Variants in TLN2 observed in about 807,000 individuals in gnomAD.
The protein encoded by TLN2 is talin 2.
Under a neutral mutation model 294.7 loss-of-function variants are expected in TLN2, and 118 were observed. The observed-to-expected ratio is 0.40, with a 90% CI of 0.34 to 0.47. The LOEUF (loss-of-function observed/expected upper bound fraction) is 0.47. Among genes scored for constraint, TLN2 ranks in the 20% least tolerant of loss-of-function variants. The probability of loss-of-function intolerance (pLI) is 0.84; values close to 1 mark genes in which losing one functional copy is unlikely to be tolerated. For synonymous variants in TLN2, 1,431 were observed against 1,304.5 expected, an observed-to-expected ratio of 1.10 and a Z score of -2.09; for missense variants, 3,083 against 3,282.2, an observed-to-expected ratio of 0.94 and a Z score of 1.48.
chr15:62,837,804 C>A (rs2069931052), intron 57 of TLN2, among the ~76,000 whole-genome samples: 1 of 152,200 alleles, frequency 6.6e-6, no homozygotes, highest in African/African-American at 2.4e-5. Context: ...TCGCGTCCCA[C>A]CCTGTGCAAG....
rs1440675397 is a variant in TLN2 at position 62,647,256 on chromosome 15, G to A, written c.-36-19G>A. On this transcript the variant is annotated intron_variant, in intron 3 of 58. Coordinates refer to ENST00000636159, the MANE Select transcript of TLN2 (RefSeq NM_015059.3). ...ATTATTATCGTGAACATCAGGGTTT[G>A]TCTCTTTGTGTTTTCCAGACATTCT... 1.3e-6 allele frequency: 2 copies of A among 1,573,644 alleles called. No individual in the cohort carries two copies. The highest frequency in any genetic ancestry group is 1.7e-6 in the Non-Finnish European group (2 of 1,155,842).
chr15:62,752,177 A>G lies in TLN2; in HGVS notation c.4210-128A>G. ...TTTCTTCCATCTCTTTTTAATCCAA[A>G]TAAAGGAGAAAATGTCAAATGTTCC... is the stretch of plus-strand genomic sequence containing the variant. On this transcript the variant is annotated intron_variant, in intron 34 of 58. Transcript: ENST00000636159. 2.4e-6 allele frequency: 3 copies of G among 1,260,758 alleles called. No individual in the cohort carries two copies. The Admixed American group carries it at 6.6e-5, about 28-fold the overall frequency. 78.1% of individuals were successfully genotyped at this position (1,260,758 alleles called of 1,614,324 possible).
At chr15:62,436,333 A>T (rs16945025) in intron 1 of TLN2, among the ~76,000 whole-genome samples, 1,610 of 152,304 alleles carry the variant, frequency 0.011, 34 homozygotes, top group African/African-American at 0.035. Flanking sequence ...ATTCAAACTA[A>T]CAGTCCTTGG....
At position 62,673,870 on chromosome 15, in the gene TLN2, G is replaced by T; in HGVS notation, c.832G>T (p.Ala278Ser). The change falls in exon 10 of 59, where the codon GCT (alanine) becomes TCT (serine). Residue 278 changes from alanine (A) to serine (S), a missense_variant. Physicochemically the swap from Ala to Ser is moderately conservative, Grantham distance 99. Transcript: ENST00000636159. ...LPKEYIKQRG[A>S]EKRIFQEHKN... ...CAAAGAATATATCAAGCAGAGAGGA[G>T]CTGAAAAGAGGATCTTTCAGGTATT... The T allele has an allele frequency of 6.2e-7, 1 of 1,613,190 alleles. No individual in the cohort carries two copies. Among genetic ancestry groups the T allele is most frequent in the East Asian group, 2.2e-5 (1 of 44,828 alleles).
chr15:62,696,212 C>T (rs2141080267), intron 14 of TLN2, among the ~76,000 whole-genome samples: 1 of 152,262 alleles, frequency 6.6e-6, no homozygotes, highest in East Asian at 1.9e-4. Flanking sequence ...CAACAGGGTG[C>T]GAGGGCCCTG....
chr15:62,508,790 T>TTG (rs749563829), intron 1 of TLN2, among the ~76,000 whole-genome samples: 64 of 152,100 alleles, frequency 4.2e-4, no homozygotes, highest in Non-Finnish European at 8.5e-4. Flanking sequence ...ATTTACGTTT[T>TTG]TGTGTGTGTG....
intron 37 of TLN2, among the ~76,000 whole-genome samples, 174 bp from the exon 38 acceptor site, chr15:62,761,507 C>G (rs2062667804): frequency 6.6e-6 from 1 of 152,158 alleles, no homozygotes; most frequent in African/African-American, 2.4e-5. Flanking sequence ...AACTGGGCCC[C>G]TCTGCTTGAT....
chr15:62,470,948 A>G lies in TLN2; in HGVS notation c.-238+80263A>G, dbSNP rs1281563322. Among the ~76,000 whole-genome samples, 5 of 152,258 alleles carry G rather than the reference A, an allele frequency of 3.3e-5. No homozygotes were observed. In the East Asian group the frequency reaches 5.8e-4, roughly 18 times the overall value. On this transcript the variant is annotated intron_variant, in intron 1 of 58. Coordinates refer to ENST00000636159, the MANE Select transcript of TLN2 (RefSeq NM_015059.3). ...TTCTGGGACATTGCTAATTTGTTCT[A>G]TAGACAATACTTGACATATATATGA...
At chr15:62,788,028 T>A (rs985081915) in intron 45 of TLN2, among the ~76,000 whole-genome samples, 1 of 148,164 alleles carries the variant, frequency 6.7e-6, no homozygotes, top group Non-Finnish European at 1.5e-5. Context: ...ACTCAAAAAA[T>A]GAATTTCCTC....
At chr15:62,602,177 A>G (rs1449097097) in intron 2 of TLN2, among the ~76,000 whole-genome samples, 1 of 151,946 alleles carries the variant, frequency 6.6e-6, no homozygotes, top group Non-Finnish European at 1.5e-5. Flanking sequence ...ATTAGTTCAT[A>G]CTGATACTTC....
rs2070577366 is a variant in TLN2 at position 62,840,704 on chromosome 15, C to T, written c.*94C>T. ...AGGCTGGGCACTTAGCTGGAAACCGCCCACCTCCCTCCCGGGTGAGCCTGG... is the reference window on the plus strand; with the variant it reads ...AGGCTGGGCACTTAGCTGGAAACCGTCCACCTCCCTCCCGGGTGAGCCTGG... On this transcript the variant is annotated 3_prime_UTR_variant, in exon 59 of 59. Coordinates refer to ENST00000636159, the MANE Select transcript of TLN2 (RefSeq NM_015059.3). 6.6e-7 allele frequency: 1 copy of T among 1,504,604 alleles called. No homozygotes were observed. Among genetic ancestry groups the T allele is most frequent in the African/African-American group, 1.4e-5 (1 of 71,302 alleles). 93.2% of individuals were successfully genotyped at this position (1,504,604 alleles called of 1,614,324 possible). A position where few individuals can be genotyped will look rare whatever the true frequency, so the allele number is the denominator to read the frequency against.
At chr15:62,737,160 G>T in intron 29 of TLN2, 74 bp downstream of exon 29, 1 of 1,519,952 alleles carries the variant, frequency 6.6e-7, no homozygotes, top group Admixed American at 1.8e-5. Context: ...CTGTCTCCTG[G>T]GCACTTTTCC....
chr15:62,623,446 C>G (rs1035462532), intron 3 of TLN2, among the ~76,000 whole-genome samples: 7 of 152,208 alleles, frequency 4.6e-5, no homozygotes, highest in Admixed American at 2.0e-4. Context: ...AACCAACTTA[C>G]ATTCATGAGC....
At chr15:62,448,869 C>T (rs1050424684) in intron 1 of TLN2, among the ~76,000 whole-genome samples, 7 of 152,256 alleles carry the variant, frequency 4.6e-5, no homozygotes, top group South Asian at 2.1e-4. Flanking sequence ...TACTATAGAG[C>T]GTGCTCTTCG....
chr15:62,755,298 A>G (rs190972381), intron 36 of TLN2: 660 of 485,594 alleles, frequency 1.4e-3, no homozygotes, highest in Non-Finnish European at 1.9e-3. Flanking sequence ...GGCTCAGCCT[A>G]TCCCACCACT....
chr15:62,547,457 A>C (rs990788248), intron 1 of TLN2, among the ~76,000 whole-genome samples: 1 of 152,180 alleles, frequency 6.6e-6, no homozygotes, highest in Admixed American at 6.5e-5. Flanking sequence ...TGAGCTCCTG[A>C]TCATCTCTGT....
chr15:62,618,649 A>G (rs1399586984), intron 3 of TLN2, among the ~76,000 whole-genome samples, 174 bp downstream of exon 3: 2 of 152,232 alleles, frequency 1.3e-5, no homozygotes, highest in Non-Finnish European at 2.9e-5. Context: ...GAGCTGAGTG[A>G]GTCAGACCTT....
rs764974667 is a variant in TLN2 at position 62,647,404 on chromosome 15, C to G, written c.94C>G (p.Arg32Gly). 16 of 1,614,044 alleles carry G rather than the reference C, an allele frequency of 9.9e-6. No individual in the cohort carries two copies. Among genetic ancestry groups the G allele is most frequent in the Admixed American group, 3.3e-5 (2 of 60,006 alleles). The change falls in exon 4 of 59, where the codon CGA (arginine) becomes GGA (glycine). Residue 32 changes from arginine (R) to glycine (G), a missense_variant. Arg to Gly is a moderately radical substitution (Grantham distance 125, BLOSUM62 -2). Transcript: ENST00000636159. ...EPSTAVYDAC[R>G]VIRERVPEAQ... ...ATCTACAGCTGTGTACGATGCGTGT[C>G]GAGTCATTCGGGAACGGGTGCCTGA...
In TLN2 at chr15:62,396,871, A is replaced by G. The variant is rs137902088; in HGVS notation, c.-238+6186A>G. 5.2e-3 allele frequency among the ~76,000 whole-genome samples: 786 copies of G among 152,132 alleles called. 3 individuals are homozygous for G. The highest frequency in any genetic ancestry group is 0.018 in the African/African-American group (765 of 41,494). On this transcript the variant is annotated intron_variant, in intron 1 of 58. Coordinates refer to ENST00000636159, the MANE Select transcript of TLN2 (RefSeq NM_015059.3). Reference sequence around the variant, plus strand: ...GGGCATGCGCCACCACTCCCAGCTAATTTTTGTGTTTTTAGTAGAGATGGG... The same window carrying G: ...GGGCATGCGCCACCACTCCCAGCTAGTTTTTGTGTTTTTAGTAGAGATGGG...
Sources: gnomAD v4.1 joint callset for allele counts (sites outside exome capture counted in the v4.1 genomes callset) on GRCh38, gnomAD v4.1.1 for gene constraint, MANE v1.5 for transcripts, NCBI Gene and HGNC (gene_info 2026-07-23, HGNC 2026-07-21) for gene names.